The following PARD3 variants were observed in gnomAD, a reference collection of about 807,000 sequenced individuals.
PARD3 encodes the protein par-3 family cell polarity regulator.
PARD3 carries 75 observed loss-of-function variants against 155.4 expected under a neutral mutation model. The observed-to-expected ratio is 0.48, with a 90% CI of 0.40 to 0.58. The LOEUF (loss-of-function observed/expected upper bound fraction) is 0.58, where lower values mean the gene tolerates loss of function less well. PARD3 is among the 20% of genes least tolerant of loss of function. The probability of loss-of-function intolerance (pLI) is 0.00; values close to 1 mark genes in which losing one functional copy is unlikely to be tolerated. For missense variants in PARD3, 1,642 were observed against 1,721.7 expected (o/e 0.95, Z 0.82); for synonymous variants, 576 against 610.5 (o/e 0.94, Z 0.83).
chr10:34,734,955 C>A (rs10128258), intron 1 of PARD3, among the ~76,000 whole-genome samples: 2,089 of 143,114 alleles, frequency 0.015, 46 homozygotes, highest in African/African-American at 0.052. Flanking sequence ...ATGTGTACTG[C>A]ATTTAAAGTT....
At chr10:34,358,463 A>G (rs555499534) in intron 14 of PARD3, among the ~76,000 whole-genome samples, 4 of 152,298 alleles carry the variant, frequency 2.6e-5, no homozygotes, top group African/African-American at 9.6e-5. Context: ...GAAAGAGAAA[A>G]TGGGGACTGA....
At chr10:34,115,435 A>C (rs1946615904) in intron 24 of PARD3, among the ~76,000 whole-genome samples, 1 of 152,136 alleles carries the variant, frequency 6.6e-6, no homozygotes, top group Non-Finnish European at 1.5e-5. Context: ...TAAGGAAAGA[A>C]ACTAATTTAG....
intron 22 of PARD3, among the ~76,000 whole-genome samples, chr10:34,163,762 G>A (rs1949392639): frequency 6.6e-6 from 1 of 152,186 alleles, no homozygotes; most frequent in African/African-American, 2.4e-5. Context: ...ATCTGCTCAC[G>A]CACCGTTACG....
intron 3 of PARD3, among the ~76,000 whole-genome samples, chr10:34,511,883 GC>G (rs375832431): frequency 5.9e-5 from 9 of 152,146 alleles, no homozygotes; most frequent in African/African-American, 2.2e-4. Flanking sequence ...ACACCACCAT[GC>G]CCACCTAATA....
At chr10:34,678,820 T>C (rs1051263071) in intron 2 of PARD3, among the ~76,000 whole-genome samples, 1 of 151,130 alleles carries the variant, frequency 6.6e-6, no homozygotes, top group Non-Finnish European at 1.5e-5. Context: ...ACCAAGAAAA[T>C]AAAAATTAAA....
intron 1 of PARD3, among the ~76,000 whole-genome samples, chr10:34,764,526 G>A (rs1428145092): frequency 1.3e-5 from 2 of 152,182 alleles, no homozygotes; most frequent in Non-Finnish European, 2.9e-5. Context: ...GAGGAAGTGG[G>A]GAAGGGAGTT....
intron 1 of PARD3, among the ~76,000 whole-genome samples, chr10:34,809,209 A>T (rs1011806625): frequency 1.2e-4 from 19 of 152,220 alleles, no homozygotes; most frequent in Non-Finnish European, 2.6e-4. Flanking sequence ...CTCTCAGCAG[A>T]AGTGTATTTT....
At chr10:34,298,887 G>A (rs1957031694) in intron 20 of PARD3, among the ~76,000 whole-genome samples, 1 of 152,212 alleles carries the variant, frequency 6.6e-6, no homozygotes, top group Non-Finnish European at 1.5e-5. Flanking sequence ...GACTTAATGA[G>A]AGAAAATAAA....
intron 5 of PARD3, among the ~76,000 whole-genome samples, chr10:34,405,079 AACACACACAC>A (rs200596601): frequency 3.5e-4 from 21 of 59,446 alleles, no homozygotes; most frequent in Non-Finnish European, 4.7e-4. Context: ...CACAAACACA[AACACACACAC>A]ACACACACAC....
chr10:34,790,049 T>C (rs1040885720), intron 1 of PARD3, among the ~76,000 whole-genome samples: 2 of 152,150 alleles, frequency 1.3e-5, no homozygotes, highest in South Asian at 2.1e-4. Context: ...TGGGAAAGCT[T>C]TGAGTTGTGA....
intron 18 of PARD3, 50 bp from the exon 19 acceptor site, chr10:34,331,394 T>C (rs141146201): frequency 3.3e-6 from 4 of 1,228,924 alleles, no homozygotes; most frequent in East Asian, 2.4e-5. Context: ...GTGAAAATTA[T>C]GTACCTGAAT....
chr10:34,337,094 C>A (rs1337564542), intron 17 of PARD3, among the ~76,000 whole-genome samples, 181 bp downstream of exon 17: 3 of 152,086 alleles, frequency 2.0e-5, no homozygotes, highest in Non-Finnish European at 4.4e-5. Flanking sequence ...TGTAAACATG[C>A]CACTTATGAG....
At chr10:34,725,822 T>C (rs2094698997) in intron 1 of PARD3, among the ~76,000 whole-genome samples, 1 of 152,166 alleles carries the variant, frequency 6.6e-6, no homozygotes, top group South Asian at 2.1e-4. Context: ...AAAAGTTACT[T>C]TGCAAAAAGG....
intron 5 of PARD3, among the ~76,000 whole-genome samples, chr10:34,428,753 T>C (rs1192541878): frequency 3.9e-5 from 6 of 152,182 alleles, no homozygotes; most frequent in African/African-American, 7.2e-5. Flanking sequence ...GGTGAGAGAC[T>C]GTAAGAACTA....
intron 1 of PARD3, among the ~76,000 whole-genome samples, chr10:34,787,508 C>T (rs959003345): frequency 1.4e-4 from 21 of 152,174 alleles, no homozygotes; most frequent in African/African-American, 5.1e-4. Flanking sequence ...AAGGAAAATG[C>T]TAAGGGCAGA....
chr10:34,397,877 T>G (rs1190646739), intron 7 of PARD3, among the ~76,000 whole-genome samples: 1 of 152,182 alleles, frequency 6.6e-6, no homozygotes, highest in Non-Finnish European at 1.5e-5. Context: ...CCTTATCTTT[T>G]TTTTCCTACT....
At chr10:34,236,909 G>A (rs1564507966) in intron 22 of PARD3, among the ~76,000 whole-genome samples, 1 of 152,058 alleles carries the variant, frequency 6.6e-6, no homozygotes, top group Non-Finnish European at 1.5e-5. Flanking sequence ...TTAGCTCTTG[G>A]AAAATATTAT....
intron 3 of PARD3, among the ~76,000 whole-genome samples, chr10:34,492,212 G>C (rs910381943): frequency 2.6e-5 from 4 of 152,074 alleles, no homozygotes; most frequent in Non-Finnish European, 5.9e-5. Flanking sequence ...ACCATACATT[G>C]AATCAACATA....
rs1182678727 is a variant in PARD3, at chr10:34,605,926, A to C, written c.223-88767T>G. On this transcript the variant is annotated intron_variant, in intron 2 of 24. Coordinates refer to ENST00000374788, the MANE Select transcript of PARD3 (RefSeq NM_001184785.2). ...CTATATATATATCTCCTATATATATATCTCCTATATATATATATCTCCTAT... is the reference window on the plus strand; with the variant it reads ...CTATATATATATCTCCTATATATATCTCTCCTATATATATATATCTCCTAT... 1.2e-3 allele frequency among the ~76,000 whole-genome samples: 110 copies of C among 94,316 alleles called. 25 individuals carry two copies. Among genetic ancestry groups the C allele is most frequent in the African/African-American group, 4.5e-3 (104 of 23,172 alleles). The allele number at this position is 94,316 out of a possible 152,430, so 61.9% of individuals were successfully genotyped here.
Sources: allele counts gnomAD v4.1 joint callset (sites outside exome capture counted in the v4.1 genomes callset), GRCh38; gene constraint gnomAD v4.1.1; transcripts MANE v1.5; gene names NCBI Gene and HGNC (gene_info 2026-07-23, HGNC 2026-07-21).